The following USH2A variants were observed in gnomAD, a reference collection of about 807,000 sequenced individuals.
USH2A encodes Usher syndrome 2A (autosomal recessive, mild).
In USH2A, 443 loss-of-function variants were observed where a neutral mutation model predicts 538.9. The ratio of observed to expected loss-of-function variants is 0.82; its 90% confidence interval spans 0.76 to 0.89. The LOEUF (loss-of-function observed/expected upper bound fraction) is 0.89, where lower values mean the gene tolerates loss of function less well. Ranked by LOEUF, USH2A falls within the 40% of genes least tolerant of loss-of-function variation. The probability of loss-of-function intolerance (pLI) is 0.00; values close to 1 mark genes in which losing one functional copy is unlikely to be tolerated. For missense variants in USH2A, 6,633 were observed against 6,324.8 expected (o/e 1.05, Z -1.65); for synonymous variants, 2,413 against 2,273.5 (o/e 1.06, Z -1.75).
chr1:216,148,001 G>C (rs371814681), intron 21 of USH2A, among the ~76,000 whole-genome samples: 4 of 133,716 alleles, frequency 3.0e-5, no homozygotes, highest in Admixed American at 1.5e-4. Context: ...AGATCTTCTC[G>C]GCTTAGGGGC....
chr1:215,741,015 C>T lies in USH2A; in HGVS notation c.11711+360G>A, dbSNP rs534862314. Among the ~76,000 whole-genome samples, 8 of 152,222 alleles carry T rather than the reference C, an allele frequency of 5.3e-5. No individual in the cohort carries two copies. In the East Asian group the frequency reaches 5.8e-4, roughly 11 times the overall value. On this transcript the variant is annotated intron_variant, in intron 60 of 71. Coordinates refer to ENST00000307340, the MANE Select transcript of USH2A (RefSeq NM_206933.4). ...CTGTGTGGCCCGGTTCCTAACAGGC[C>T]GCGGACTCTGTGGCCTGGGGGTTAG...
At chr1:215,731,399 T>C (rs1335646558) in intron 60 of USH2A, among the ~76,000 whole-genome samples, 1 of 152,222 alleles carries the variant, frequency 6.6e-6, no homozygotes, top group Non-Finnish European at 1.5e-5. Context: ...TAGACCACAA[T>C]TATTCCTAAT....
intron 21 of USH2A, among the ~76,000 whole-genome samples, chr1:216,103,118 C>A (rs541838641): frequency 6.6e-5 from 10 of 152,294 alleles, no homozygotes; most frequent in Admixed American, 5.2e-4. Context: ...CAAAACTAGA[C>A]AAAAATCCAC....
At chr1:216,211,043 T>C (rs967819465) in intron 15 of USH2A, among the ~76,000 whole-genome samples, 103 of 151,852 alleles carry the variant, frequency 6.8e-4, no homozygotes, top group Admixed American at 6.6e-3. Context: ...GAGAGCTCCA[T>C]GTAGTTTAAC....
intron 36 of USH2A, among the ~76,000 whole-genome samples, chr1:215,969,413 C>T (rs1454779582): frequency 1.3e-5 from 2 of 152,104 alleles, no homozygotes; most frequent in African/African-American, 2.4e-5. Context: ...TAATGCAGGT[C>T]CCCCTTATTT....
intron 38 of USH2A, among the ~76,000 whole-genome samples, chr1:215,925,137 G>GCA (rs1310143274): frequency 3.7e-4 from 56 of 151,356 alleles, no homozygotes; most frequent in Admixed American, 2.8e-3. Context: ...CTTCATACAT[G>GCA]CACACACACA....
At chr1:216,018,362 T>G (rs1355523641) in intron 32 of USH2A, among the ~76,000 whole-genome samples, 2 of 152,312 alleles carry the variant, frequency 1.3e-5, no homozygotes, top group Non-Finnish European at 2.9e-5. Context: ...TGCCTTAGGC[T>G]GAGGACCACA....
intron 65 of USH2A, 123 bp downstream of exon 65, chr1:215,650,469 T>C (rs1182703339): frequency 1.1e-5 from 13 of 1,179,450 alleles, no homozygotes; most frequent in African/African-American, 4.6e-5. Context: ...AAGTTCACCG[T>C]AGAGCAACTG....
At chr1:216,107,440 T>A (rs1293348899) in intron 21 of USH2A, among the ~76,000 whole-genome samples, 1 of 151,824 alleles carries the variant, frequency 6.6e-6, no homozygotes, top group Admixed American at 6.6e-5. Context: ...CCACTACCAT[T>A]TTCTTATGAT....
At chr1:216,227,399 T>G (rs1454394369) in intron 14 of USH2A, among the ~76,000 whole-genome samples, 1 of 152,154 alleles carries the variant, frequency 6.6e-6, no homozygotes, top group African/African-American at 2.4e-5. Flanking sequence ...GACAATAACT[T>G]TCAGGGCTCA....
chr1:216,278,576 C>A (rs2036714105), intron 11 of USH2A, among the ~76,000 whole-genome samples: 1 of 152,226 alleles, frequency 6.6e-6, no homozygotes, highest in Admixed American at 6.5e-5. Context: ...CAAGACCTTT[C>A]TGTCTCTATT....
At chr1:215,993,317 T>C in intron 34 of USH2A, 150 bp from the exon 35 acceptor site, 2 of 1,250,218 alleles carry the variant, frequency 1.6e-6, no homozygotes, top group Non-Finnish European at 2.3e-6. Context: ...AGTGTTAAGA[T>C]TTAACATTTA....
intron 21 of USH2A, among the ~76,000 whole-genome samples, chr1:216,163,209 G>T (rs985219887): frequency 1.3e-5 from 2 of 151,630 alleles, no homozygotes; most frequent in African/African-American, 4.8e-5. Context: ...ACTTTATCAG[G>T]GATGGAATTG....
intron 15 of USH2A, among the ~76,000 whole-genome samples, chr1:216,212,666 A>G (rs2035264786): frequency 1.1e-5 from 1 of 92,322 alleles, no homozygotes; most frequent in African/African-American, 4.4e-5. Context: ...TATTTTGAAG[A>G]TAAGGTGTGT....
chr1:216,101,369 T>C (rs2032574325), intron 21 of USH2A, among the ~76,000 whole-genome samples: 1 of 152,190 alleles, frequency 6.6e-6, no homozygotes, highest in African/African-American at 2.4e-5. Flanking sequence ...TTATTAACAC[T>C]CTCTTTTCCT....
chr1:215,842,314 G>T (rs955582696), intron 46 of USH2A, among the ~76,000 whole-genome samples: 1 of 152,188 alleles, frequency 6.6e-6, no homozygotes, highest in African/African-American at 2.4e-5. Context: ...AACAACAGAT[G>T]CTGGTGAAGC....
chr1:216,419,627 A>G (rs78866120), intron 2 of USH2A, among the ~76,000 whole-genome samples: 4,902 of 152,092 alleles, frequency 0.032, 102 homozygotes, highest in Middle Eastern at 0.088. Context: ...CCATCTGTAC[A>G]CTCCATTAGA....
chr1:216,326,363 C>T (rs538951838), intron 5 of USH2A, among the ~76,000 whole-genome samples: 1 of 152,292 alleles, frequency 6.6e-6, no homozygotes, highest in African/African-American at 2.4e-5. Context: ...GGCTTTTCCT[C>T]TCAGACCCCA....
chr1:215,857,319 G>T (rs1490147236), intron 44 of USH2A, among the ~76,000 whole-genome samples: 1 of 152,158 alleles, frequency 6.6e-6, no homozygotes, highest in African/African-American at 2.4e-5. Context: ...TTTGAAACTT[G>T]TTTCATTTGA....
Sources: gnomAD v4.1 joint callset for allele counts (sites outside exome capture counted in the v4.1 genomes callset) on GRCh38, gnomAD v4.1.1 for gene constraint, MANE v1.5 for transcripts, NCBI Gene and HGNC (gene_info 2026-07-23, HGNC 2026-07-21) for gene names.